The following HS3ST4 variants were observed in gnomAD, a reference collection of about 807,000 sequenced individuals.
The protein encoded by HS3ST4 is heparan sulfate glucosamine 3-O-sulfotransferase 4.
A neutral mutation model predicts 29.2 loss-of-function variants in HS3ST4; 17 were observed. That is an observed-to-expected ratio of 0.58 (90% CI 0.40 to 0.87). The LOEUF (loss-of-function observed/expected upper bound fraction) is 0.87, where lower values mean the gene tolerates loss of function less well. HS3ST4 is among the 40% of genes least tolerant of loss of function. The probability of loss-of-function intolerance (pLI) is 0.00; values close to 1 mark genes in which losing one functional copy is unlikely to be tolerated. For synonymous variants in HS3ST4, 314 were observed against 285.7 expected, an observed-to-expected ratio of 1.10 and a Z score of -1.00; for missense variants, 627 against 634.5, an observed-to-expected ratio of 0.99 and a Z score of 0.13.
chr16:26,111,114 A>T (rs6497924), intron 1 of HS3ST4, among the ~76,000 whole-genome samples: 1 of 151,638 alleles, frequency 6.6e-6, no homozygotes, highest in African/African-American at 2.4e-5. Flanking sequence ...CCAGGCTAGA[A>T]TGCTGTTGTG....
intron 1 of HS3ST4, among the ~76,000 whole-genome samples, chr16:25,882,344 A>G (rs1967902916): frequency 1.3e-5 from 2 of 152,200 alleles, no homozygotes; most frequent in South Asian, 2.1e-4. Context: ...TAGTCCCTCC[A>G]GTCTAGCACC....
intron 1 of HS3ST4, among the ~76,000 whole-genome samples, chr16:26,022,381 A>T (rs755471570): frequency 2.0e-5 from 3 of 152,184 alleles, no homozygotes; most frequent in Non-Finnish European, 4.4e-5. Context: ...TTCACTCTTC[A>T]TCTGCAATTA....
At chr16:25,867,068 A>T (rs1967703142) in intron 1 of HS3ST4, among the ~76,000 whole-genome samples, 1 of 152,218 alleles carries the variant, frequency 6.6e-6, no homozygotes, top group Non-Finnish European at 1.5e-5. Flanking sequence ...CATAGAAATA[A>T]TATCCAACTT....
chr16:25,897,897 A>G (rs1025369400), intron 1 of HS3ST4, among the ~76,000 whole-genome samples: 1 of 151,846 alleles, frequency 6.6e-6, no homozygotes, highest in African/African-American at 2.4e-5. Context: ...GACTCTCGCT[A>G]TGTGTGACAG....
At chr16:26,101,664 AG>A (rs1376043521) in intron 1 of HS3ST4, among the ~76,000 whole-genome samples, 41 of 152,222 alleles carry the variant, frequency 2.7e-4, no homozygotes, top group Admixed American at 1.2e-3. Flanking sequence ...TGGGTATAAA[AG>A]TTCCTTAATC....
At chr16:25,794,907 A>G (rs1176285980) in intron 1 of HS3ST4, among the ~76,000 whole-genome samples, 1 of 57,062 alleles carries the variant, frequency 1.8e-5, no homozygotes, top group South Asian at 4.8e-4. Flanking sequence ...ACACACACAC[A>G]CACACACACA....
intron 1 of HS3ST4, among the ~76,000 whole-genome samples, chr16:25,906,004 T>C (rs1968176000): frequency 6.6e-6 from 1 of 152,230 alleles, no homozygotes; most frequent in East Asian, 1.9e-4. Flanking sequence ...GTGCAAATGG[T>C]GCCACAGTAA....
rs59740575 is a variant in HS3ST4 at position 25,794,896 on chromosome 16, TACACACAC to T, written c.734+101781_734+101788del. Reference sequence around the variant, plus strand: ...TATGTGGTAAACCTTTACTCAAGAATACACACACACACACACACACACACACACACACA... The same window carrying T: ...TATGTGGTAAACCTTTACTCAAGAATACACACACACACACACACACACACA... On this transcript the variant is annotated intron_variant, in intron 1 of 1. Transcript: ENST00000331351. Among the ~76,000 whole-genome samples the T allele has an allele frequency of 4.7e-3, 638 of 136,708 alleles. 2 individuals are homozygous for T. Among genetic ancestry groups the T allele is most frequent in the African/African-American group, 0.017 (607 of 35,452 alleles). 89.7% of individuals were successfully genotyped at this position (136,708 alleles called of 152,430 possible). A position where few individuals can be genotyped will look rare whatever the true frequency, so the allele number is the denominator to read the frequency against.
chr16:26,117,874 G>A (rs996999449), intron 1 of HS3ST4, among the ~76,000 whole-genome samples: 2 of 152,230 alleles, frequency 1.3e-5, no homozygotes, highest in African/African-American at 4.8e-5. Flanking sequence ...AGTGAACAAG[G>A]CAACATCTGC....
At chr16:25,784,729 A>T (rs1420378143) in intron 1 of HS3ST4, among the ~76,000 whole-genome samples, 1 of 152,212 alleles carries the variant, frequency 6.6e-6, no homozygotes, top group Non-Finnish European at 1.5e-5. Flanking sequence ...CATAACATAA[A>T]AATGCGAGGT....
chr16:25,771,984 C>T lies in HS3ST4; in HGVS notation c.734+78833C>T, dbSNP rs534270443. On this transcript the variant is annotated intron_variant, in intron 1 of 1. Coordinates refer to ENST00000331351, the MANE Select transcript of HS3ST4 (RefSeq NM_006040.3). ...AGATAGGATAACGTTTCTAGTCTGG[C>T]GTTGGCAAACTTTTTCTGTAAAGGG... is the stretch of plus-strand genomic sequence containing the variant. 4.6e-5 allele frequency among the ~76,000 whole-genome samples: 7 copies of T among 152,250 alleles called. No homozygotes were observed. The South Asian group carries it at 6.2e-4, about 14-fold the overall frequency.
At chr16:25,758,572 C>T (rs960216024) in intron 1 of HS3ST4, among the ~76,000 whole-genome samples, 6 of 152,260 alleles carry the variant, frequency 3.9e-5, no homozygotes, top group Admixed American at 3.3e-4. Context: ...ATTGACTGAT[C>T]CCCATCCTCT....
chr16:25,795,251 G>A (rs1475052562), intron 1 of HS3ST4, among the ~76,000 whole-genome samples: 1 of 151,898 alleles, frequency 6.6e-6, no homozygotes, highest in African/African-American at 2.4e-5. Flanking sequence ...GATTACAGGC[G>A]TGAGCCACCG....
intron 1 of HS3ST4, among the ~76,000 whole-genome samples, chr16:25,859,520 C>A (rs1967616594): frequency 6.6e-6 from 1 of 152,192 alleles, no homozygotes; most frequent in African/African-American, 2.4e-5. Flanking sequence ...AGTAACATTT[C>A]ATCAACCTGT....
At chr16:25,772,899 T>C (rs947565582) in intron 1 of HS3ST4, among the ~76,000 whole-genome samples, 1 of 152,192 alleles carries the variant, frequency 6.6e-6, no homozygotes, top group Non-Finnish European at 1.5e-5. Context: ...GGGTAGGTGC[T>C]GGACAGACCA....
chr16:25,781,150 T>G (rs1966852242), intron 1 of HS3ST4, among the ~76,000 whole-genome samples: 1 of 152,134 alleles, frequency 6.6e-6, no homozygotes, highest in African/African-American at 2.4e-5. Context: ...CTACCTTCTG[T>G]CCTCTCCAGG....
intron 1 of HS3ST4, among the ~76,000 whole-genome samples, chr16:25,699,991 A>G (rs548169059): frequency 6.6e-5 from 10 of 152,000 alleles, no homozygotes; most frequent in Admixed American, 2.0e-4. Context: ...TTTTCCTTCA[A>G]TGCCTTCCTT....
At chr16:25,864,595 T>C (rs1427977499) in intron 1 of HS3ST4, among the ~76,000 whole-genome samples, 1 of 152,072 alleles carries the variant, frequency 6.6e-6, no homozygotes, top group Non-Finnish European at 1.5e-5. Flanking sequence ...ACTCTCCTCT[T>C]CTATGGGTTC....
chr16:26,084,740 A>G (rs186578223), intron 1 of HS3ST4, among the ~76,000 whole-genome samples: 1 of 152,130 alleles, frequency 6.6e-6, no homozygotes, highest in Non-Finnish European at 1.5e-5. Flanking sequence ...TCACACCTCC[A>G]TGACTGGCTA....
Sources: allele counts gnomAD v4.1 joint callset (sites outside exome capture counted in the v4.1 genomes callset), GRCh38; gene constraint gnomAD v4.1.1; transcripts MANE v1.5; gene names NCBI Gene and HGNC (gene_info 2026-07-23, HGNC 2026-07-21).